FBXO38: variants seen among roughly 807,000 people sequenced by gnomAD.
The protein encoded by FBXO38 is F-box only protein 38.
A neutral mutation model predicts 131.9 loss-of-function variants in FBXO38; 53 were observed. That is an observed-to-expected ratio of 0.40 (90% CI 0.32 to 0.51). FBXO38 has a LOEUF of 0.51. Ranked by LOEUF, FBXO38 falls within the 20% of genes least tolerant of loss-of-function variation. The pLI is 0.53. For missense variants in FBXO38, 1,076 were observed against 1,475.6 expected (o/e 0.73, Z 4.44); for synonymous variants, 452 against 505.6 (o/e 0.89, Z 1.42).
chr5:148,439,758 C>T lies in FBXO38; in HGVS notation c.3136C>T (p.Arg1046Cys), dbSNP rs778665975. Residue 1046 changes from arginine (R) to cysteine (C), a missense_variant, in exon 19 of 22, where the codon CGC becomes TGC. By Grantham distance (180) the Arg-to-Cys change is radical. Around this residue, in one of 8 missense-constraint regions of FBXO38, gnomAD observed 282 missense variants for 418.8 expected, o/e 0.67. Coordinates refer to ENST00000340253, the MANE Select transcript of FBXO38 (RefSeq NM_205836.3). The stretch of plus-strand genomic sequence containing the variant: ...CAATGTCCGGAATAAGGTGCGCATT[C>T]GCAGCTGGATGGACACTATAGCAAA... ...PPNVRNKVRIRSWMDTIANIN... is the reference protein window; with the variant it reads ...PPNVRNKVRICSWMDTIANIN... The T allele has an allele frequency of 6.2e-7, 1 of 1,614,034 alleles. No homozygotes were observed. The highest frequency in any genetic ancestry group is 1.3e-5 in the African/African-American group (1 of 75,026).
Position 148,440,469 on chromosome 5 carries a change from A to C in FBXO38, c.3216A>C (p.Glu1072Asp). Residue 1072 changes from glutamate (E) to aspartate (D), a missense_variant, in exon 20 of 22, where the codon GAA becomes GAC. Transcript: ENST00000340253. ...YEFFPEATRS[E>D]EDLKKYPKYP... Reference sequence around the variant, plus strand: ...TCTTCCCTGAAGCCACTCGAAGTGAAGAAGACTTAAAGAAATACCCCAAGT... The same window carrying C: ...TCTTCCCTGAAGCCACTCGAAGTGACGAAGACTTAAAGAAATACCCCAAGT... 6.2e-7 allele frequency: 1 copy of C among 1,612,924 alleles called. No homozygotes were observed. The highest frequency in any genetic ancestry group is 2.2e-5 in the East Asian group (1 of 44,862).
intron 15 of FBXO38, among the ~76,000 whole-genome samples, chr5:148,428,846 A>G (rs948291573): frequency 2.0e-5 from 3 of 152,266 alleles, no homozygotes; most frequent in Non-Finnish European, 2.9e-5. Context: ...CCATAGTTGC[A>G]TAAACTCATT....
Position 148,409,195 on chromosome 5 carries a change from C to G in FBXO38, c.940C>G (p.Leu314Val), listed in dbSNP as rs1193489755. ...TGCTCTTGAAGTAGATCTTGGTTAC[C>G]TCATCATTACTGCTGCCCGTAGGTA... ...KNALEVDLGY[L>V]IITAARRLHE... The change falls in exon 8 of 22, where the codon CTC becomes GTC. Residue 314 changes from leucine to valine, a missense_variant. Physicochemically the swap from Leu to Val is conservative, Grantham distance 32. Transcript: ENST00000340253. 2 of 1,604,416 alleles carry G rather than the reference C, an allele frequency of 1.2e-6. No homozygotes were observed. Among genetic ancestry groups the G allele is most frequent in the Non-Finnish European group, 1.7e-6 (2 of 1,171,318 alleles).
Position 148,425,507 on chromosome 5 carries a change from G to A in FBXO38, c.1739-15G>A. ...TGCGCAAAAAGTAACTGTTAGGCCT[G>A]TGCTTTTTTTTAAGGACCCAGTGGT... On this transcript the variant is annotated splice_polypyrimidine_tract_variant and intron_variant, in intron 13 of 21. Coordinates refer to ENST00000340253, the MANE Select transcript of FBXO38 (RefSeq NM_205836.3). 1.2e-6 allele frequency: 2 copies of A among 1,606,084 alleles called. No individual in the cohort carries two copies. Among genetic ancestry groups the A allele is most frequent in the Non-Finnish European group, 1.7e-6 (2 of 1,174,188 alleles).
In FBXO38 at chr5:148,427,344, G is replaced by T. The variant is rs1375697931; in HGVS notation, c.2050G>T (p.Asp684Tyr). ...CQVTSEQIKA[D>Y]MKAARDIPEK... ...GGTCACCAGTGAGCAGATCAAAGCCGATATGAAAGCAGCTAGGGATATTCC... is the reference window on the plus strand; with the variant it reads ...GGTCACCAGTGAGCAGATCAAAGCCTATATGAAAGCAGCTAGGGATATTCC... The change falls in exon 15 of 22, where the codon GAT becomes TAT. Residue 684 changes from aspartate to tyrosine, a missense_variant. Asp to Tyr is a radical substitution (Grantham distance 160). This residue lies in a region of FBXO38 where 213 missense variants were observed against 225.2 expected (regional missense o/e 0.95). Coordinates refer to ENST00000340253, the MANE Select transcript of FBXO38 (RefSeq NM_205836.3). 1.2e-6 allele frequency: 2 copies of T among 1,614,106 alleles called. No individual in the cohort carries two copies. The highest frequency in any genetic ancestry group is 2.2e-5 in the East Asian group (1 of 44,876).
At chr5:148,429,849 C>G (rs1194021396) in intron 15 of FBXO38, among the ~76,000 whole-genome samples, 1 of 151,864 alleles carries the variant, frequency 6.6e-6, no homozygotes, top group South Asian at 2.1e-4. Flanking sequence ...ATGTCTAGAA[C>G]TTTTTCTTAA....
At chr5:148,394,625 T>C (rs1010377444) in intron 1 of FBXO38, 89 bp from the exon 2 acceptor site, 15 of 487,624 alleles carry the variant, frequency 3.1e-5, no homozygotes, top group Non-Finnish European at 4.5e-5. Context: ...ATACCTCTGC[T>C]TGTGTGTGTT....
intron 9 of FBXO38, among the ~76,000 whole-genome samples, chr5:148,412,342 C>T (rs889256743): frequency 6.6e-6 from 1 of 152,124 alleles, no homozygotes; most frequent in Non-Finnish European, 1.5e-5. Flanking sequence ...TGCTCACTCA[C>T]ACTCTCTCAC....
chr5:148,428,674 T>C (rs1249640544), intron 15 of FBXO38, among the ~76,000 whole-genome samples: 3 of 152,212 alleles, frequency 2.0e-5, no homozygotes, highest in Non-Finnish European at 2.9e-5. Context: ...TTAATTTTCT[T>C]CAAGTAGCCC....
intron 10 of FBXO38, among the ~76,000 whole-genome samples, chr5:148,414,829 G>A (rs1752960867): frequency 6.6e-6 from 1 of 152,082 alleles, no homozygotes; most frequent in African/African-American, 2.4e-5. Flanking sequence ...CCCTTATGGT[G>A]GGAGTTCATT....
chr5:148,400,991 C>A (rs901403053), intron 3 of FBXO38, among the ~76,000 whole-genome samples: 1 of 152,092 alleles, frequency 6.6e-6, no homozygotes, highest in African/African-American at 2.4e-5. Context: ...CAAGTAATCT[C>A]TGGTCTCTCC....
chr5:148,393,436 C>G (rs17108227), intron 1 of FBXO38, among the ~76,000 whole-genome samples: 4,573 of 152,154 alleles, frequency 0.03, 220 homozygotes, highest in African/African-American at 0.1. Flanking sequence ...CCACCAGGTG[C>G]CTTTCTCCTA....
chr5:148,397,217 T>C (rs1393581872), intron 2 of FBXO38, among the ~76,000 whole-genome samples: 2 of 152,302 alleles, frequency 1.3e-5, no homozygotes, highest in East Asian at 3.9e-4. Flanking sequence ...AAAAGAAACC[T>C]AATCTTTGCT....
chr5:148,441,860 T>G, intron 21 of FBXO38, 109 bp from the exon 22 acceptor site: 1 of 808,324 alleles, frequency 1.2e-6, no homozygotes. Flanking sequence ...CATGCATCAG[T>G]TACATTATAG....
At position 148,442,123 on chromosome 5, in the gene FBXO38, G is replaced by A. The variant is rs1336422553; in HGVS notation, c.3543G>A (p.Glu1181=). 3.1e-6 allele frequency: 5 copies of A among 1,613,880 alleles called. No homozygotes were observed. The African/African-American group carries it at 4.0e-5, about 13-fold the overall frequency. The change falls in exon 22 of 22, where the codon GAG becomes GAA. Residue 1181 remains glutamate, a synonymous_variant. Transcript: ENST00000340253. ...IFIHYCDVNG[E]PVEDDYI ...TCCACTATTGTGATGTCAATGGAGA[G>A]CCAGTTGAAGATGACTACATTTAAT...
chr5:148,408,773 A>G (rs1188278831), intron 7 of FBXO38, among the ~76,000 whole-genome samples: 1 of 152,218 alleles, frequency 6.6e-6, no homozygotes, highest in Non-Finnish European at 1.5e-5. Flanking sequence ...GTCTTGTTCC[A>G]TATGATATTT....
intron 12 of FBXO38, among the ~76,000 whole-genome samples, chr5:148,422,605 A>T (rs1413433307): frequency 6.6e-6 from 1 of 152,218 alleles, no homozygotes; most frequent in African/African-American, 2.4e-5. Context: ...TCTCAGCTCC[A>T]AGGAATACTA....
At chr5:148,415,668 A>G (rs1435286799) in intron 10 of FBXO38, among the ~76,000 whole-genome samples, 1 of 152,172 alleles carries the variant, frequency 6.6e-6, no homozygotes, top group East Asian at 1.9e-4. Context: ...TTGAAAAGCC[A>G]TGTAGGTTGT....
At chr5:148,428,940 T>C (rs1432543917) in intron 15 of FBXO38, among the ~76,000 whole-genome samples, 1 of 152,236 alleles carries the variant, frequency 6.6e-6, no homozygotes, top group Non-Finnish European at 1.5e-5. Flanking sequence ...TTTCCCAGCT[T>C]AAATTGTAAA....
Sources: allele counts gnomAD v4.1 joint callset (sites outside exome capture counted in the v4.1 genomes callset), GRCh38; gene constraint gnomAD v4.1.1; regional missense constraint gnomAD v4.1.1; transcripts MANE v1.5; gene names NCBI Gene and HGNC (gene_info 2026-07-23, HGNC 2026-07-21).